The following NAB1 variants were observed in gnomAD, a reference collection of about 807,000 sequenced individuals.
The protein encoded by NAB1 is NGFI-A binding protein 1.
Under a neutral mutation model 49.9 loss-of-function variants are expected in NAB1, and 25 were observed. That is an observed-to-expected ratio of 0.50 (90% confidence interval 0.37 to 0.70). NAB1 has a LOEUF of 0.70. NAB1 is among the 30% of genes least tolerant of loss of function. NAB1 has a pLI of 0.00. For synonymous variants in NAB1, 198 were observed against 215.6 expected (o/e 0.92, Z 0.71); for missense variants, 489 against 575.9 (o/e 0.85, Z 1.54).
rs1358112359 is a variant in NAB1, at chr2:190,692,530, T to C, written c.*2197T>C. 1 of 152,684 alleles carries C rather than the reference T, an allele frequency of 6.5e-6. No individual in the cohort carries two copies. The highest frequency in any genetic ancestry group is 1.5e-5 in the Non-Finnish European group (1 of 68,046). The allele number at this position is 152,684 out of a possible 1,614,324, so 9.5% of individuals were successfully genotyped here. A position where few individuals can be genotyped will look rare whatever the true frequency, so the allele number is the denominator to read the frequency against. Reference sequence around the variant, plus strand: ...AATATATATTTTTATTTGAATTGTATATGTGAATTGGAAGTTATAATTAGT... The same window carrying C: ...AATATATATTTTTATTTGAATTGTACATGTGAATTGGAAGTTATAATTAGT... On this transcript the variant is annotated 3_prime_UTR_variant, in exon 10 of 10. Coordinates refer to ENST00000337386, the MANE Select transcript of NAB1 (RefSeq NM_005966.4). The surrounding 1 kb of genome is among the most constrained non-coding windows in gnomAD (Gnocchi z 5.2).
At position 190,669,199 on chromosome 2, in the gene NAB1, ATTGT is replaced by A. The variant is rs1367296095; in HGVS notation, c.820-1124_820-1121del. On this transcript the variant is annotated intron_variant, in intron 4 of 9. Coordinates refer to ENST00000337386, the MANE Select transcript of NAB1 (RefSeq NM_005966.4). This position sits in a 1 kb window ranked among gnomAD's most constrained non-coding sequence, Gnocchi z 4.3. ...ATGGCACACAGTTTAAAACTTATGA[ATTGT>A]TTATTTGTATAATTTTTCATTTAAT... Among the ~76,000 whole-genome samples, 2 of 152,158 alleles carry A rather than the reference ATTGT, an allele frequency of 1.3e-5. No individual in the cohort carries two copies. The highest frequency in any genetic ancestry group is 4.8e-5 in the African/African-American group (2 of 41,428).
rs1367790057 is a variant in NAB1 at position 190,663,901 on chromosome 2, G to A, written c.819+3906G>A. Among the ~76,000 whole-genome samples, 2 of 152,030 alleles carry A rather than the reference G, an allele frequency of 1.3e-5. No homozygotes were observed. The highest frequency in any genetic ancestry group is 2.4e-5 in the African/African-American group (1 of 41,398). On this transcript the variant is annotated intron_variant, in intron 4 of 9. Coordinates refer to ENST00000337386, the MANE Select transcript of NAB1 (RefSeq NM_005966.4). The surrounding 1 kb of genome is among the most constrained non-coding windows in gnomAD (Gnocchi z 4.2). ...AAAGTGTTTCTTTATTTCCAAATAT[G>A]AGTAATTTTTTTTCCTTATTTTTCC...
At chr2:190,681,400 G>A (rs1695334871) in intron 6 of NAB1, among the ~76,000 whole-genome samples, 1 of 142,418 alleles carries the variant, frequency 7.0e-6, no homozygotes, top group Non-Finnish European at 1.5e-5. Flanking sequence ...GTTTGCTAAA[G>A]AGAAAGTTGG....
intron 4 of NAB1, among the ~76,000 whole-genome samples, chr2:190,661,166 A>G (rs995593451): frequency 6.6e-6 from 1 of 152,158 alleles, no homozygotes; most frequent in African/African-American, 2.4e-5. Context: ...CCTGGGCTCA[A>G]CTGATAGAAC....
rs1574447941 is a variant in NAB1, at chr2:190,669,099, T to C, written c.820-1227T>C. ...TTGACTGAGATGGCCACCAAGTGAC[T>C]GACAGCCAGGAGTATAGACAGTGTA... On this transcript the variant is annotated intron_variant, in intron 4 of 9. Transcript: ENST00000337386. This position sits in a 1 kb window ranked among gnomAD's most constrained non-coding sequence, Gnocchi z 4.3. Among the ~76,000 whole-genome samples, 1 of 152,190 alleles carries C rather than the reference T, an allele frequency of 6.6e-6. No homozygotes were observed. The highest frequency in any genetic ancestry group is 2.4e-5 in the African/African-American group (1 of 41,446).
intron 4 of NAB1, among the ~76,000 whole-genome samples, chr2:190,668,221 ACCCTG>A (rs1338572762): frequency 6.6e-6 from 1 of 152,200 alleles, no homozygotes; most frequent in Non-Finnish European, 1.5e-5. Flanking sequence ...ATTTTAGTAT[ACCCTG>A]TGACCTAACT....
At position 190,664,891 on chromosome 2, in the gene NAB1, ATATGACT is replaced by A. The variant is rs563875199; in HGVS notation, c.819+4897_819+4903del. Among the ~76,000 whole-genome samples, 222 of 152,126 alleles carry A rather than the reference ATATGACT, an allele frequency of 1.5e-3. 1 individual carries two copies. The highest frequency in any genetic ancestry group is 5.1e-3 in the African/African-American group (210 of 41,518). The stretch of plus-strand genomic sequence containing the variant: ...AATATTTGGTCCATGTACATTTATT[ATATGACT>A]AATATTTTGGATTTTTTTCCATTAT... On this transcript the variant is annotated intron_variant, in intron 4 of 9. Coordinates refer to ENST00000337386, the MANE Select transcript of NAB1 (RefSeq NM_005966.4).
intron 2 of NAB1, among the ~76,000 whole-genome samples, chr2:190,655,342 T>C (rs938793365): frequency 2.0e-5 from 3 of 152,222 alleles, no homozygotes; most frequent in Admixed American, 2.0e-4. Flanking sequence ...AAGCTACAAA[T>C]ACAGATTTGG....
In NAB1 at chr2:190,683,763, C is replaced by G; in HGVS notation, c.1031C>G (p.Ser344Cys). 6.2e-7 allele frequency: 1 copy of G among 1,613,316 alleles called. No homozygotes were observed. The highest frequency in any genetic ancestry group is 8.5e-7 in the Non-Finnish European group (1 of 1,179,816). The change falls in exon 7 of 10, where the codon TCT (serine) becomes TGT (cysteine). Residue 344 changes from serine (S) to cysteine (C), a missense_variant. Transcript: ENST00000337386. ...VEDGFPDFQD[S>C]VQTLFQQARA... is the part of the protein sequence containing the mutation. ...GATGGGTTTCCAGATTTCCAGGATT[C>G]TGTGCAAACACTCTTCCAGCAGGCT... is the stretch of plus-strand genomic sequence containing the variant.
In NAB1 at chr2:190,662,520, CAG is replaced by C. The variant is rs565754660; in HGVS notation, c.819+2526_819+2527del. On this transcript the variant is annotated intron_variant, in intron 4 of 9. Transcript: ENST00000337386. ...AACCACACACCTTGCTGGTGTTCGG[CAG>C]GTGCCAAGGGACAAACCCAGAGGCG... 1.2e-4 allele frequency among the ~76,000 whole-genome samples: 18 copies of C among 152,088 alleles called. No homozygotes were observed. The South Asian group carries it at 3.7e-3, about 32-fold the overall frequency.
chr2:190,685,611 T>C lies in NAB1; in HGVS notation c.1231T>C (p.Leu411=), dbSNP rs1366742360. 6.2e-7 allele frequency: 1 copy of C among 1,610,458 alleles called. No individual in the cohort carries two copies. The highest frequency in any genetic ancestry group is 1.3e-5 in the African/African-American group (1 of 74,886). ...CTCAGAAGAGCACAGTCCTAACGGC[T>C]TGACTTCCGATAACTCAGATGGACA... ...QSSEEHSPNG[L]TSDNSDGQGE... Residue 411 remains leucine, a synonymous_variant, in exon 8 of 10, where the codon TTG becomes CTG. Transcript: ENST00000337386. This position sits in a 1 kb window ranked among gnomAD's most constrained non-coding sequence, Gnocchi z 4.5.
intron 4 of NAB1, among the ~76,000 whole-genome samples, chr2:190,664,108 TATTA>T (rs1239231886): frequency 6.6e-6 from 1 of 152,206 alleles, no homozygotes; most frequent in African/African-American, 2.4e-5. Context: ...CTAACAAGCT[TATTA>T]ATTCTGTCAT....
In NAB1 at chr2:190,683,839, TC is replaced by T; in HGVS notation, c.1095+15del. Reference sequence around the variant, plus strand: ...CTCTTAGTTCACAGGTAACATAAACTCCCAGTTATTACTCCATGATAGTATC... The same window carrying T: ...CTCTTAGTTCACAGGTAACATAAACTCCAGTTATTACTCCATGATAGTATC... On this transcript the variant is annotated intron_variant, in intron 7 of 9. Transcript: ENST00000337386. 6.3e-7 allele frequency: 1 copy of T among 1,590,262 alleles called. No individual in the cohort carries two copies. Among genetic ancestry groups the T allele is most frequent in the Non-Finnish European group, 8.6e-7 (1 of 1,159,704 alleles).
At position 190,680,398 on chromosome 2, in the gene NAB1, A is replaced by T. The variant is rs374750711; in HGVS notation, c.1006-3340A>T. On this transcript the variant is annotated intron_variant, in intron 6 of 9. Coordinates refer to ENST00000337386, the MANE Select transcript of NAB1 (RefSeq NM_005966.4). The surrounding 1 kb of genome is among the most constrained non-coding windows in gnomAD (Gnocchi z 5.2). ...TGCCCTGTTCTTTTTGCCTCCAGGC[A>T]TCTGTACCAGCTGCTTTCTTTTGGA... Among the ~76,000 whole-genome samples the T allele has an allele frequency of 6.6e-6, 1 of 152,098 alleles. No homozygotes were observed. The highest frequency in any genetic ancestry group is 1.5e-5 in the Non-Finnish European group (1 of 68,032).
In NAB1 at chr2:190,685,709, C is replaced by G; in HGVS notation, c.1258+71C>G. ...TTCAAAGAGAAACAGAAGACAGTGGCTGATTTTTAAATTATGATATTTTGT... is the reference window on the plus strand; with the variant it reads ...TTCAAAGAGAAACAGAAGACAGTGGGTGATTTTTAAATTATGATATTTTGT... On this transcript the variant is annotated intron_variant, in intron 8 of 9. Coordinates refer to ENST00000337386, the MANE Select transcript of NAB1 (RefSeq NM_005966.4). This position sits in a 1 kb window ranked among gnomAD's most constrained non-coding sequence, Gnocchi z 4.5. 1 of 1,195,860 alleles carries G rather than the reference C, an allele frequency of 8.4e-7. No individual in the cohort carries two copies. The highest frequency in any genetic ancestry group is 1.1e-6 in the Non-Finnish European group (1 of 910,602). 74.1% of individuals were successfully genotyped at this position (1,195,860 alleles called of 1,614,324 possible).
At chr2:190,673,071 T>G in intron 5 of NAB1, 30 bp from the exon 6 acceptor site, 5 of 1,589,124 alleles carry the variant, frequency 3.1e-6, no homozygotes, top group Non-Finnish European at 2.6e-6. Flanking sequence ...TCTCAAGTTT[T>G]TTTTTTTTTT....
Position 190,649,881 on chromosome 2 carries a change from A to T in NAB1, c.-298A>T, listed in dbSNP as rs1353219216. 6.6e-6 allele frequency: 1 copy of T among 152,240 alleles called. No individual in the cohort carries two copies. The highest frequency in any genetic ancestry group is 1.5e-5 in the Non-Finnish European group (1 of 68,054). The allele number at this position is 152,240 out of a possible 1,614,324, so 9.4% of individuals were successfully genotyped here. A position where few individuals can be genotyped will look rare whatever the true frequency, so the allele number is the denominator to read the frequency against. The stretch of plus-strand genomic sequence containing the variant: ...GTTTTACATGGAAGTGGCTTACAGA[A>T]ACTTGGCGCTGAGGTGCAGGGAAGC... On this transcript the variant is annotated 5_prime_UTR_variant, in exon 2 of 10. Coordinates refer to ENST00000337386, the MANE Select transcript of NAB1 (RefSeq NM_005966.4). This position sits in a 1 kb window ranked among gnomAD's most constrained non-coding sequence, Gnocchi z 6.1.
chr2:190,649,000 CG>C (rs1693490968), upstream of NAB1: 1 of 84,100 alleles, frequency 1.2e-5, no homozygotes, highest in Non-Finnish European at 2.5e-5. Flanking sequence ...CGGAGGCGGG[CG>C]GGGGAGGGGG....
chr2:190,651,241 C>T lies in NAB1; in HGVS notation c.-197+1259C>T, dbSNP rs1279198431. Among the ~76,000 whole-genome samples the T allele has an allele frequency of 6.6e-6, 1 of 151,182 alleles. No homozygotes were observed. The highest frequency in any genetic ancestry group is 1.9e-4 in the East Asian group (1 of 5,188). ...AATAACTTGATCTATCTAAAAAATA[C>T]TTTATCTCATCTTATTTCAAAATTA... On this transcript the variant is annotated intron_variant, in intron 2 of 9. Transcript: ENST00000337386. This position sits in a 1 kb window ranked among gnomAD's most constrained non-coding sequence, Gnocchi z 4.3.
Sources: gnomAD v4.1 joint callset for allele counts (sites outside exome capture counted in the v4.1 genomes callset) on GRCh38, gnomAD v4.1.1 for gene constraint, Gnocchi (gnomAD v3.1) non-coding constraint, MANE v1.5 for transcripts, NCBI Gene and HGNC (gene_info 2026-07-23, HGNC 2026-07-21) for gene names.